Variants in ZRANB3 observed in about 807,000 individuals in gnomAD.
ZRANB3 encodes the protein DNA annealing helicase and endonuclease ZRANB3.
ZRANB3 carries 125 observed loss-of-function variants against 133.8 expected under a neutral mutation model. That is an observed-to-expected ratio of 0.93 (90% CI 0.81 to 1.08). The LOEUF (loss-of-function observed/expected upper bound fraction) is 1.08. ZRANB3 is among the 50% of genes least tolerant of loss of function. The pLI is 0.00. For synonymous variants in ZRANB3, 387 were observed against 432.7 expected (o/e 0.89, Z 1.31); for missense variants, 1,229 against 1,275.5 (o/e 0.96, Z 0.56).
At chr2:135,491,985 T>C (rs1171351389) in intron 2 of ZRANB3, among the ~76,000 whole-genome samples, 2 of 151,992 alleles carry the variant, frequency 1.3e-5, no homozygotes, top group African/African-American at 2.4e-5. Flanking sequence ...CGTAATAAAA[T>C]AGAGAACAGA....
At chr2:135,437,135 C>G (rs1574102265) in intron 2 of ZRANB3, among the ~76,000 whole-genome samples, 1 of 152,056 alleles carries the variant, frequency 6.6e-6, no homozygotes, top group Non-Finnish European at 1.5e-5. Context: ...AATTTTTGTA[C>G]TTTTAGTAGA....
chr2:135,393,228 A>G (rs1415171829), intron 2 of ZRANB3, among the ~76,000 whole-genome samples: 2 of 152,236 alleles, frequency 1.3e-5, no homozygotes, highest in Non-Finnish European at 2.9e-5. Context: ...TAAAACATAT[A>G]TAAGAGTAAA....
chr2:135,252,015 C>G (rs1234991322), intron 12 of ZRANB3, among the ~76,000 whole-genome samples: 2 of 152,190 alleles, frequency 1.3e-5, no homozygotes, highest in African/African-American at 4.8e-5. Context: ...AGCCTGGCGA[C>G]AGAGCAGGAT....
At chr2:135,301,831 T>G (rs1682446380) in intron 8 of ZRANB3, among the ~76,000 whole-genome samples, 2 of 152,152 alleles carry the variant, frequency 1.3e-5, no homozygotes, top group African/African-American at 4.8e-5. Context: ...AGCTGAATAT[T>G]TATTTCATGG....
At chr2:135,226,092 T>A (rs1694750463) in intron 14 of ZRANB3, among the ~76,000 whole-genome samples, 1 of 152,242 alleles carries the variant, frequency 6.6e-6, no homozygotes, top group African/African-American at 2.4e-5. Flanking sequence ...TTTGAAGAAC[T>A]ATGCATTAAT....
intron 2 of ZRANB3, among the ~76,000 whole-genome samples, chr2:135,487,604 C>T (rs1218692756): frequency 6.6e-6 from 1 of 152,334 alleles, no homozygotes; most frequent in Middle Eastern, 3.4e-3. Flanking sequence ...GCACCTGCTG[C>T]TTCACCTTGC....
At chr2:135,384,048 T>A (rs1686846387) in intron 3 of ZRANB3, among the ~76,000 whole-genome samples, 1 of 152,066 alleles carries the variant, frequency 6.6e-6, no homozygotes. Context: ...AATCAACGAA[T>A]CCAGGAGCTG....
At chr2:135,231,989 G>A (rs1695044506) in intron 12 of ZRANB3, among the ~76,000 whole-genome samples, 1 of 152,178 alleles carries the variant, frequency 6.6e-6, no homozygotes, top group South Asian at 2.1e-4. Context: ...GAAGCAGGGC[G>A]AGGCATCGAC....
At chr2:135,217,080 C>T (rs1694341888) in intron 17 of ZRANB3, among the ~76,000 whole-genome samples, 2 of 152,224 alleles carry the variant, frequency 1.3e-5, no homozygotes, top group Admixed American at 1.3e-4. Context: ...TGCACAGCAT[C>T]ATACTCACGC....
In ZRANB3 at chr2:135,197,978, T is replaced by C. The variant is rs919671491; in HGVS notation, c.*2364A>G. ...CCTGGCCAGAGCCCTTTTTTGTTGTTGTTTTCTTAGCCTAAACTGTATCTT... is the reference window on the plus strand; with the variant it reads ...CCTGGCCAGAGCCCTTTTTTGTTGTCGTTTTCTTAGCCTAAACTGTATCTT... On this transcript the variant is annotated 3_prime_UTR_variant, in exon 21 of 21. Transcript: ENST00000264159. 1.3e-5 allele frequency: 2 copies of C among 152,440 alleles called. No homozygotes were observed. The highest frequency in any genetic ancestry group is 4.8e-5 in the African/African-American group (2 of 41,438). 9.4% of individuals were successfully genotyped at this position (152,440 alleles called of 1,614,324 possible). A position where few individuals can be genotyped will look rare whatever the true frequency, so the allele number is the denominator to read the frequency against.
At chr2:135,309,976 G>A (rs1573884276) in intron 8 of ZRANB3, among the ~76,000 whole-genome samples, 1 of 152,258 alleles carries the variant, frequency 6.6e-6, no homozygotes, top group Non-Finnish European at 1.5e-5. Context: ...TTGCTCTGTT[G>A]CCCAGGTTGG....
intron 2 of ZRANB3, among the ~76,000 whole-genome samples, chr2:135,486,853 G>A (rs1031265530): frequency 3.2e-4 from 48 of 152,126 alleles, no homozygotes; most frequent in African/African-American, 1.2e-3. Context: ...TAATCCATGA[G>A]GACTGGGATC....
At chr2:135,499,600 G>T (rs1309306725) in intron 2 of ZRANB3, among the ~76,000 whole-genome samples, 1 of 152,116 alleles carries the variant, frequency 6.6e-6, no homozygotes, top group Admixed American at 6.5e-5. Flanking sequence ...GTATGACAAG[G>T]TATTAAATTT....
chr2:135,230,410 C>G, intron 13 of ZRANB3, 103 bp downstream of exon 13: 1 of 1,059,030 alleles, frequency 9.4e-7, no homozygotes, highest in Non-Finnish European at 1.3e-6. Context: ...TAAAGTTGTG[C>G]TGAGTCACAC....
intron 3 of ZRANB3, among the ~76,000 whole-genome samples, chr2:135,370,439 A>G (rs1160411956): frequency 6.6e-6 from 1 of 152,084 alleles, no homozygotes; most frequent in Non-Finnish European, 1.5e-5. Context: ...TTGGTTTTCC[A>G]TTCTTGAGTT....
At chr2:135,422,086 T>C (rs1688879009) in intron 2 of ZRANB3, among the ~76,000 whole-genome samples, 1 of 152,178 alleles carries the variant, frequency 6.6e-6, no homozygotes, top group Admixed American at 6.5e-5. Context: ...TTTATCTGCC[T>C]GCAAGGTGTC....
chr2:135,528,348 A>G (rs994176519), intron 1 of ZRANB3, among the ~76,000 whole-genome samples: 1 of 151,806 alleles, frequency 6.6e-6, no homozygotes, highest in Admixed American at 6.6e-5. Flanking sequence ...GAAATTTCCT[A>G]TGTTGCCCAG....
intron 2 of ZRANB3, among the ~76,000 whole-genome samples, chr2:135,481,292 T>C (rs1430967688): frequency 2.6e-5 from 4 of 151,404 alleles, no homozygotes; most frequent in Non-Finnish European, 2.9e-5. Flanking sequence ...TCCTGACTTT[T>C]TAATGATTGC....
intron 2 of ZRANB3, among the ~76,000 whole-genome samples, chr2:135,417,595 G>C (rs1308017695): frequency 2.0e-5 from 3 of 152,144 alleles, no homozygotes; most frequent in Non-Finnish European, 2.9e-5. Flanking sequence ...ATTTGACCCA[G>C]CCATCCCATT....
Sources: allele counts gnomAD v4.1 joint callset (sites outside exome capture counted in the v4.1 genomes callset), GRCh38; gene constraint gnomAD v4.1.1; transcripts MANE v1.5; gene names NCBI Gene and HGNC (gene_info 2026-07-23, HGNC 2026-07-21).